The following AGO3 variants were observed in gnomAD, a reference collection of about 807,000 sequenced individuals.
AGO3 encodes the protein protein argonaute-3.
In AGO3, 16 loss-of-function variants were observed where a neutral mutation model predicts 105.5. That is an observed-to-expected ratio of 0.15 (90% CI 0.10 to 0.23). The LOEUF (loss-of-function observed/expected upper bound fraction) is 0.23. AGO3 is among the 10% of genes least tolerant of loss of function. The probability of loss-of-function intolerance (pLI) is 1.00; values close to 1 mark genes in which losing one functional copy is unlikely to be tolerated. For synonymous variants in AGO3, 340 were observed against 367.3 expected, an observed-to-expected ratio of 0.93 and a Z score of 0.85; for missense variants, 534 against 1,088.0, an observed-to-expected ratio of 0.49 and a Z score of 7.16.
At chr1:36,013,560 G>T in intron 9 of AGO3, 70 bp from the exon 10 acceptor site, 1 of 1,570,752 alleles carries the variant, frequency 6.4e-7, no homozygotes, top group Non-Finnish European at 8.7e-7. Flanking sequence ...AAAAAAAGAG[G>T]GTTCTAATGC....
In AGO3 at chr1:36,062,379, C is replaced by T. The variant is rs181662490; in HGVS notation, c.*6634C>T. 1 of 152,218 alleles carries T rather than the reference C, an allele frequency of 6.6e-6. No individual in the cohort carries two copies. Among genetic ancestry groups the T allele is most frequent in the Admixed American group, 6.6e-5 (1 of 15,266 alleles). 9.4% of individuals were successfully genotyped at this position (152,218 alleles called of 1,614,324 possible). A position where few individuals can be genotyped will look rare whatever the true frequency, so the allele number is the denominator to read the frequency against. ...GCTCATAAAGGCAGTACCAAATCAT[C>T]ATTCAGATCAGCTTAAGTGAGAAAG... is the stretch of plus-strand genomic sequence containing the variant. On this transcript the variant is annotated 3_prime_UTR_variant, in exon 19 of 19. Transcript: ENST00000373191.
At chr1:35,952,117 TTTCTTTC>T (rs1646481063) in intron 2 of AGO3, among the ~76,000 whole-genome samples, 1 of 73,900 alleles carries the variant, frequency 1.4e-5, no homozygotes, top group Non-Finnish European at 2.0e-5. Flanking sequence ...TCGGTCTTTC[TTTCTTTC>T]TTTCTTTCTT....
At chr1:36,004,580 A>G in intron 6 of AGO3, 105 bp downstream of exon 6, 1 of 997,484 alleles carries the variant, frequency 1.0e-6, no homozygotes, top group Non-Finnish European at 1.3e-6. Flanking sequence ...TAACATAACC[A>G]GTAAAACTAT....
At chr1:35,953,985 TTGA>T (rs755767790) in intron 2 of AGO3, among the ~76,000 whole-genome samples, 14 of 152,340 alleles carry the variant, frequency 9.2e-5, no homozygotes, top group Admixed American at 2.6e-4. Flanking sequence ...TTTTAAAATT[TTGA>T]TGATGTCTAA....
At chr1:36,043,585 G>A (rs1471082460) in intron 17 of AGO3, 37 bp downstream of exon 17, 1 of 1,472,064 alleles carries the variant, frequency 6.8e-7, no homozygotes, top group Non-Finnish European at 9.4e-7. Flanking sequence ...TTTAATTCAA[G>A]AACTGTCATT....
intron 5 of AGO3, among the ~76,000 whole-genome samples, chr1:35,985,995 T>G (rs1647166217): frequency 6.6e-6 from 1 of 152,232 alleles, no homozygotes; most frequent in Non-Finnish European, 1.5e-5. Context: ...GTTACCATTT[T>G]CTACGCATCA....
chr1:35,937,980 CTT>C (rs1252491042), intron 1 of AGO3, among the ~76,000 whole-genome samples: 26 of 133,162 alleles, frequency 2.0e-4, no homozygotes, highest in Middle Eastern at 3.7e-3. Flanking sequence ...AAAATGTATT[CTT>C]TTTTTTTTTT....
intron 2 of AGO3, among the ~76,000 whole-genome samples, chr1:35,956,493 A>G (rs561639417): frequency 6.6e-6 from 1 of 152,310 alleles, no homozygotes; most frequent in South Asian, 2.1e-4. Flanking sequence ...ATGTAAAAAT[A>G]AAAGAACTGA....
At chr1:36,026,866 A>G (rs1205533909) in intron 11 of AGO3, among the ~76,000 whole-genome samples, 1 of 152,218 alleles carries the variant, frequency 6.6e-6, no homozygotes, top group African/African-American at 2.4e-5. Flanking sequence ...GCTCTTAACC[A>G]GCATATACTA....
intron 5 of AGO3, among the ~76,000 whole-genome samples, chr1:36,002,681 A>C (rs1391116143): frequency 6.6e-6 from 1 of 151,842 alleles, no homozygotes; most frequent in Non-Finnish European, 1.5e-5. Flanking sequence ...CACCACCCAC[A>C]TTTATCCAGA....
At chr1:35,944,178 T>G (rs1646314175) in intron 1 of AGO3, among the ~76,000 whole-genome samples, 1 of 152,122 alleles carries the variant, frequency 6.6e-6, no homozygotes, top group Non-Finnish European at 1.5e-5. Context: ...TTTTTCAAAG[T>G]GAGTGTACCA....
intron 11 of AGO3, among the ~76,000 whole-genome samples, chr1:36,021,553 T>C (rs937390307): frequency 6.6e-6 from 1 of 152,212 alleles, no homozygotes; most frequent in African/African-American, 2.4e-5. Context: ...TAATTTTACG[T>C]ATAAAATAAG....
Position 35,958,143 on chromosome 1 carries a change from G to A in AGO3, c.192-8812G>A, listed in dbSNP as rs141487104. Reference sequence around the variant, plus strand: ...CACGCCTGTAATCCCAGCACTTTGGGAGGCCAAGGCGGGCGGATCACAAGG... The same window carrying A: ...CACGCCTGTAATCCCAGCACTTTGGAAGGCCAAGGCGGGCGGATCACAAGG... On this transcript the variant is annotated intron_variant, in intron 2 of 18. Transcript: ENST00000373191. Among the ~76,000 whole-genome samples, 673 of 152,266 alleles carry A rather than the reference G, an allele frequency of 4.4e-3. 10 individuals carry two copies. Among genetic ancestry groups the A allele is most frequent in the African/African-American group, 0.015 (630 of 41,556 alleles).
At chr1:35,952,466 A>G (rs1646492514) in intron 2 of AGO3, among the ~76,000 whole-genome samples, 1 of 152,128 alleles carries the variant, frequency 6.6e-6, no homozygotes, top group Non-Finnish European at 1.5e-5. Flanking sequence ...AAATGGAATC[A>G]TATACCATGT....
At chr1:36,043,166 A>AT (rs869053585) in intron 16 of AGO3, 5 of 289,312 alleles carry the variant, frequency 1.7e-5, no homozygotes, top group Non-Finnish European at 3.2e-5. Flanking sequence ...TTTAAAAAAA[A>AT]TTTTTTTTAG....
intron 12 of AGO3, among the ~76,000 whole-genome samples, chr1:36,033,061 AG>A (rs1421589610): frequency 6.6e-6 from 1 of 152,208 alleles, no homozygotes; most frequent in African/African-American, 2.4e-5. Flanking sequence ...TGAACCCAGA[AG>A]GCAGAGGTTG....
rs1039546311 is a variant in AGO3 at position 36,049,840 on chromosome 1, G to A, written c.2275-5106G>A. On this transcript the variant is annotated intron_variant, in intron 17 of 18. Transcript: ENST00000373191. ...AGAAGGTCATTATATAATGCTAAAG[G>A]GATCAATTTACCAAGAGGATATAAC... Among the ~76,000 whole-genome samples, 7 of 152,106 alleles carry A rather than the reference G, an allele frequency of 4.6e-5. No individual in the cohort carries two copies. In the South Asian group the frequency reaches 8.3e-4, roughly 18 times the overall value.
rs999628960 is a variant in AGO3 at position 36,068,693 on chromosome 1, G to T, written c.*12948G>T. On this transcript the variant is annotated 3_prime_UTR_variant, in exon 19 of 19. Coordinates refer to ENST00000373191, the MANE Select transcript of AGO3 (RefSeq NM_024852.4). ...TCTAAAATATGTAAAAAATTATATT[G>T]AATGAATTAATACTTAACCTGTTCA... The T allele has an allele frequency of 3.3e-5, 5 of 151,994 alleles. No individual in the cohort carries two copies. Among genetic ancestry groups the T allele is most frequent in the Admixed American group, 6.6e-5 (1 of 15,264 alleles). The allele number at this position is 151,994 out of a possible 1,614,324, so 9.4% of individuals were successfully genotyped here.
At chr1:35,992,174 T>A (rs994254015) in intron 5 of AGO3, 1 of 152,240 alleles carries the variant, frequency 6.6e-6, no homozygotes, top group Non-Finnish European at 1.5e-5. Flanking sequence ...TGGGGGAACT[T>A]CTGTATTCAG....
Sources: allele counts gnomAD v4.1 joint callset (sites outside exome capture counted in the v4.1 genomes callset), GRCh38; gene constraint gnomAD v4.1.1; transcripts MANE v1.5; gene names NCBI Gene and HGNC (gene_info 2026-07-23, HGNC 2026-07-21).